Variants in DRC11 observed in about 807,000 individuals in gnomAD.
DRC11 encodes dynein regulatory complex subunit 11.
chr2:236,390,896 A>C, the DRC11 span, among the ~76,000 whole-genome samples: 1 of 152,146 alleles, frequency 6.6e-6, no homozygotes. This position sits in a 1 kb window ranked among gnomAD's most constrained non-coding sequence, Gnocchi z 5.9. Context: ...TCAGATGTTC[A>C]CTTCTCTGTC....
the DRC11 span, among the ~76,000 whole-genome samples, chr2:236,342,719 T>C: frequency 4.0e-4 from 61 of 152,044 alleles, no homozygotes; most frequent in Admixed American, 2.6e-3. This position sits in a 1 kb window ranked among gnomAD's most constrained non-coding sequence, Gnocchi z 5.8. Flanking sequence ...GGGGTGGAAA[T>C]ACTGGGGGTG....
the DRC11 span, chr2:236,493,944 T>G: frequency 6.8e-7 from 1 of 1,462,802 alleles, no homozygotes; most frequent in South Asian, 1.4e-5. Context: ...GGACTAGAAC[T>G]TTATTTAAAA....
chr2:236,464,418 G>T, the DRC11 span, among the ~76,000 whole-genome samples: 1 of 152,040 alleles, frequency 6.6e-6, no homozygotes, highest in Non-Finnish European at 1.5e-5. Flanking sequence ...ATAACAATCT[G>T]CCCTCTTTTC....
chr2:236,309,278 T>G, the DRC11 span, among the ~76,000 whole-genome samples: 1 of 152,220 alleles, frequency 6.6e-6, no homozygotes. This position sits in a 1 kb window ranked among gnomAD's most constrained non-coding sequence, Gnocchi z 5.7. Context: ...CGATAGCTAC[T>G]GGAGCCTTGC....
At chr2:236,501,998 T>A in the DRC11 span, among the ~76,000 whole-genome samples, 1 of 152,114 alleles carries the variant, frequency 6.6e-6, no homozygotes, top group African/African-American at 2.4e-5. Context: ...GCTTGTTTCA[T>A]AGATGCCAAG....
chr2:236,346,967 C>G, the DRC11 span, among the ~76,000 whole-genome samples: 2 of 152,298 alleles, frequency 1.3e-5, no homozygotes, highest in Non-Finnish European at 2.9e-5. Context: ...GCGCACAACT[C>G]CAGTGAACAC....
At chr2:236,323,248 T>A in the DRC11 span, among the ~76,000 whole-genome samples, 2 of 152,184 alleles carry the variant, frequency 1.3e-5, no homozygotes, top group African/African-American at 4.8e-5. The surrounding 1 kb of genome is among the most constrained non-coding windows in gnomAD (Gnocchi z 6.4). Flanking sequence ...AGAACCATCT[T>A]GGAGACAGGA....
the DRC11 span, among the ~76,000 whole-genome samples, chr2:236,358,406 A>G: frequency 4.5e-4 from 64 of 140,958 alleles, no homozygotes; most frequent in Non-Finnish European, 8.4e-4. Flanking sequence ...ATCATATATA[A>G]ATATATATGA....
the DRC11 span, among the ~76,000 whole-genome samples, chr2:236,468,002 A>T: frequency 2.6e-5 from 4 of 152,250 alleles, no homozygotes; most frequent in South Asian, 8.3e-4. Context: ...GTTAAAAGAG[A>T]AAAGGAAACC....
At chr2:236,413,504 TG>T in the DRC11 span, among the ~76,000 whole-genome samples, 1 of 152,226 alleles carries the variant, frequency 6.6e-6, no homozygotes, top group Non-Finnish European at 1.5e-5. This position sits in a 1 kb window ranked among gnomAD's most constrained non-coding sequence, Gnocchi z 4.0. Flanking sequence ...ATGCAAAATT[TG>T]GTTTGAAATG....
the DRC11 span, chr2:236,363,736 T>G: frequency 7.1e-7 from 1 of 1,411,064 alleles, no homozygotes; most frequent in Non-Finnish European, 9.9e-7. The surrounding 1 kb of genome is among the most constrained non-coding windows in gnomAD (Gnocchi z 5.6). Context: ...AAATGTAATT[T>G]GAAAGAGGGA....
the DRC11 span, among the ~76,000 whole-genome samples, chr2:236,342,577 CCT>C: frequency 6.6e-6 from 1 of 152,212 alleles, no homozygotes; most frequent in Admixed American, 6.5e-5. The surrounding 1 kb of genome is among the most constrained non-coding windows in gnomAD (Gnocchi z 5.8). Context: ...AGCCCTGCTC[CCT>C]GAGGGGCAGG....
At chr2:236,315,181 T>C in the DRC11 span, among the ~76,000 whole-genome samples, 1 of 152,222 alleles carries the variant, frequency 6.6e-6, no homozygotes, top group Admixed American at 6.5e-5. This position sits in a 1 kb window ranked among gnomAD's most constrained non-coding sequence, Gnocchi z 5.1. Flanking sequence ...TTTAAATACT[T>C]GTTTTCAATG....
the DRC11 span, chr2:236,507,379 TG>T: frequency 9.0e-6 from 10 of 1,108,370 alleles, no homozygotes; most frequent in East Asian, 2.4e-5. Context: ...AGGATTTGGG[TG>T]GGGGGTCTTC....
the DRC11 span, among the ~76,000 whole-genome samples, chr2:236,352,679 C>A: frequency 6.6e-6 from 1 of 152,134 alleles, no homozygotes; most frequent in South Asian, 2.1e-4. This position sits in a 1 kb window ranked among gnomAD's most constrained non-coding sequence, Gnocchi z 7.0. Flanking sequence ...AGATCCTTTA[C>A]GAAAATGGGA....
the DRC11 span, among the ~76,000 whole-genome samples, chr2:236,420,023 C>A: frequency 6.6e-6 from 1 of 152,186 alleles, no homozygotes; most frequent in Admixed American, 6.5e-5. This position sits in a 1 kb window ranked among gnomAD's most constrained non-coding sequence, Gnocchi z 4.8. Context: ...GTGGCCAAGA[C>A]AAGCTGCATA....
chr2:236,352,064 C>G, the DRC11 span, among the ~76,000 whole-genome samples: 1 of 152,118 alleles, frequency 6.6e-6, no homozygotes, highest in Non-Finnish European at 1.5e-5. The surrounding 1 kb of genome is among the most constrained non-coding windows in gnomAD (Gnocchi z 7.0). Flanking sequence ...GAGAGGGTGA[C>G]AGAGAGCCCG....
the DRC11 span, chr2:236,408,846 A>G: frequency 1.5e-6 from 1 of 657,004 alleles, no homozygotes; most frequent in Middle Eastern, 4.4e-4. This position sits in a 1 kb window ranked among gnomAD's most constrained non-coding sequence, Gnocchi z 5.5. Context: ...TGTCTCCACA[A>G]TAGTCACAGC....
chr2:236,496,759 T>C, the DRC11 span, among the ~76,000 whole-genome samples: 210 of 152,230 alleles, frequency 1.4e-3, 3 homozygotes, highest in East Asian at 0.036. The surrounding 1 kb of genome is among the most constrained non-coding windows in gnomAD (Gnocchi z 6.3). Context: ...CACTTGGCAA[T>C]AGGGAACCTG....
Sources: allele counts gnomAD v4.1 joint callset (sites outside exome capture counted in the v4.1 genomes callset), GRCh38; gene constraint gnomAD v4.1.1; non-coding constraint Gnocchi (gnomAD v3.1); transcripts MANE v1.5; gene names NCBI Gene and HGNC (gene_info 2026-07-23, HGNC 2026-07-21).